APPL2: variants seen among roughly 807,000 people sequenced by gnomAD.
The protein encoded by APPL2 is adaptor protein, phosphotyrosine interacting with PH domain and leucine zipper 2, also known as DCC-interacting protein 13-beta.
Under a neutral mutation model 92.7 loss-of-function variants are expected in APPL2, and 84 were observed. The ratio of observed to expected loss-of-function variants is 0.91; its 90% CI spans 0.76 to 1.09. The LOEUF (loss-of-function observed/expected upper bound fraction) is 1.09. Among genes scored for constraint, APPL2 ranks in the 50% least tolerant of loss-of-function variants. The pLI is 0.00. For synonymous variants in APPL2, 291 were observed against 291.0 expected (o/e 1.00, Z 0.00); for missense variants, 736 against 824.5 (o/e 0.89, Z 1.31).
intron 8 of APPL2, 142 bp from the exon 9 acceptor site, chr12:105,203,927 A>T (rs1304718357): frequency 3.0e-6 from 2 of 665,842 alleles, no homozygotes; most frequent in Non-Finnish European, 5.2e-6. Flanking sequence ...ATCTCTACTG[A>T]GTCTACACCT....
intron 5 of APPL2, among the ~76,000 whole-genome samples, chr12:105,208,623 T>C (rs1006457542): frequency 6.6e-6 from 1 of 152,242 alleles, no homozygotes; most frequent in Non-Finnish European, 1.5e-5. Context: ...GCCATTTTAA[T>C]ATCTGACTTA....
At chr12:105,208,103 TC>T in intron 6 of APPL2, 54 bp downstream of exon 6, 1 of 1,610,518 alleles carries the variant, frequency 6.2e-7, no homozygotes, top group East Asian at 2.2e-5. Context: ...GGGGGTCTCC[TC>T]CCCGCCACAG....
Position 105,217,114 on chromosome 12 carries a change from T to C in APPL2, c.240A>G (p.Glu80=). 2 of 1,611,144 alleles carry C rather than the reference T, an allele frequency of 1.2e-6. No individual in the cohort carries two copies. The highest frequency in any genetic ancestry group is 1.7e-6 in the Non-Finnish European group (2 of 1,177,966). The part of the protein sequence containing the change: ...KQNFALGKGD[E]EVISTLHYFS... ...AATAGTGGAGTGTTGAAATTACTTCTTCATCACCTTTGCCAAGAGCAAAGT... is the reference window on the plus strand; with the variant it reads ...AATAGTGGAGTGTTGAAATTACTTCCTCATCACCTTTGCCAAGAGCAAAGT... The change falls in exon 4 of 21, where the codon GAA becomes GAG. Residue 80 remains glutamate (E), a synonymous_variant. Coordinates refer to ENST00000258530, the MANE Select transcript of APPL2 (RefSeq NM_018171.5).
At chr12:105,182,847 TG>T (rs1191063391) in intron 17 of APPL2, among the ~76,000 whole-genome samples, 2 of 152,184 alleles carry the variant, frequency 1.3e-5, no homozygotes, top group Non-Finnish European at 2.9e-5. Context: ...ATATTGACAG[TG>T]GGGTGCTAAA....
intron 2 of APPL2, among the ~76,000 whole-genome samples, chr12:105,221,415 A>G (rs1343280473): frequency 1.3e-5 from 2 of 152,236 alleles, no homozygotes; most frequent in East Asian, 3.8e-4. Context: ...CAGAAAGGAT[A>G]AATAACTTTC....
Position 105,176,030 on chromosome 12 carries a change from C to T in APPL2, c.1860+5G>A. 6.3e-7 allele frequency: 1 copy of T among 1,585,184 alleles called. No individual in the cohort carries two copies. Among genetic ancestry groups the T allele is most frequent in the South Asian group, 1.2e-5 (1 of 85,254 alleles). On this transcript the variant is annotated splice_donor_5th_base_variant and intron_variant, in intron 20 of 20. Transcript: ENST00000258530. ...CTACTAAACCAGCGCTAGAATGCATCTTACCTTCTGAACCTCAATAATTTC... is the reference window on the plus strand; with the variant it reads ...CTACTAAACCAGCGCTAGAATGCATTTTACCTTCTGAACCTCAATAATTTC...
At chr12:105,218,605 G>A (rs1419983786) in intron 2 of APPL2, among the ~76,000 whole-genome samples, 1 of 152,220 alleles carries the variant, frequency 6.6e-6, no homozygotes, top group South Asian at 2.1e-4. Flanking sequence ...GAAGTGGAGC[G>A]TGGCTGGGGC....
chr12:105,218,126 G>GAA (rs5800658), intron 2 of APPL2, among the ~76,000 whole-genome samples: 3 of 150,670 alleles, frequency 2.0e-5, no homozygotes, highest in African/African-American at 4.9e-5. Flanking sequence ...AATTATAAAA[G>GAA]AAAAAAAAAT....
chr12:105,193,165 T>C (rs1887368417), intron 14 of APPL2, among the ~76,000 whole-genome samples: 2 of 152,214 alleles, frequency 1.3e-5, no homozygotes, highest in Admixed American at 1.3e-4. Flanking sequence ...GGGGTCCTTT[T>C]GGTCTAAGAA....
chr12:105,175,845 C>G (rs1015907032), intron 20 of APPL2, among the ~76,000 whole-genome samples, 190 bp downstream of exon 20: 4 of 152,192 alleles, frequency 2.6e-5, no homozygotes, highest in African/African-American at 9.7e-5. Flanking sequence ...ATAAGAAGTC[C>G]TCATGTGTTA....
At chr12:105,228,958 T>G (rs1156736021) in intron 2 of APPL2, among the ~76,000 whole-genome samples, 167 bp downstream of exon 2, 1 of 152,222 alleles carries the variant, frequency 6.6e-6, no homozygotes, top group Non-Finnish European at 1.5e-5. Context: ...GAGAACAGAC[T>G]GTCCTTAGGT....
intron 8 of APPL2, among the ~76,000 whole-genome samples, chr12:105,205,295 C>T (rs1350662342): frequency 6.6e-6 from 1 of 152,192 alleles, no homozygotes; most frequent in East Asian, 1.9e-4. Context: ...AAAGGGCCTA[C>T]TTGGTCTTGT....
At chr12:105,218,732 A>G (rs1889884182) in intron 2 of APPL2, among the ~76,000 whole-genome samples, 1 of 152,218 alleles carries the variant, frequency 6.6e-6, no homozygotes, top group Non-Finnish European at 1.5e-5. Flanking sequence ...GAAGCAGCAT[A>G]TGACAAGGTC....
intron 9 of APPL2, among the ~76,000 whole-genome samples, chr12:105,201,869 C>T (rs1888239158): frequency 6.6e-6 from 1 of 152,110 alleles, no homozygotes; most frequent in Non-Finnish European, 1.5e-5. Flanking sequence ...TGGATTCCCA[C>T]CACTGGGTTC....
chr12:105,207,910 A>G (rs1477745814), intron 7 of APPL2, 61 bp downstream of exon 7: 1 of 1,449,528 alleles, frequency 6.9e-7, no homozygotes, highest in Non-Finnish European at 9.7e-7. Flanking sequence ...AATTCACAAG[A>G]GGAAGGCATG....
intron 5 of APPL2, among the ~76,000 whole-genome samples, chr12:105,210,022 G>A (rs890813449): frequency 5.3e-5 from 8 of 151,980 alleles, no homozygotes; most frequent in Admixed American, 1.3e-4. Context: ...ATGCAGTGGC[G>A]CGATCTCGGC....
rs539820607 is a variant in APPL2 at position 105,173,931 on chromosome 12, T to C, written c.*383A>G. ...AAATAGATTATATTAATAAGAAATA[T>C]TTAGTGTTCATCAAATTGTAAATCT... On this transcript the variant is annotated 3_prime_UTR_variant, in exon 21 of 21. Coordinates refer to ENST00000258530, the MANE Select transcript of APPL2 (RefSeq NM_018171.5). 1.8e-4 allele frequency: 28 copies of C among 155,222 alleles called. 1 individual carries two copies. In the South Asian group the frequency reaches 5.5e-3, roughly 31 times the overall value. The allele number at this position is 155,222 out of a possible 1,614,324, so 9.6% of individuals were successfully genotyped here.
chr12:105,203,583 G>T, intron 9 of APPL2, 120 bp downstream of exon 9: 1 of 839,592 alleles, frequency 1.2e-6, no homozygotes, highest in Non-Finnish European at 2.0e-6. Flanking sequence ...AGCATTTCTG[G>T]GGTGGACAGA....
chr12:105,217,632 A>T, intron 3 of APPL2, 34 bp downstream of exon 3: 1 of 1,607,774 alleles, frequency 6.2e-7, no homozygotes, highest in Non-Finnish European at 8.5e-7. Flanking sequence ...TCCTGAACAC[A>T]GCAGCATCAC....
Sources: allele counts gnomAD v4.1 joint callset (sites outside exome capture counted in the v4.1 genomes callset), GRCh38; gene constraint gnomAD v4.1.1; transcripts MANE v1.5; gene names NCBI Gene and HGNC (gene_info 2026-07-23, HGNC 2026-07-21).